Variants in LIMCH1 observed in about 807,000 individuals in gnomAD.
LIMCH1 encodes the protein LIM and calponin homology domains 1.
In LIMCH1, 113 loss-of-function variants were observed where a neutral mutation model predicts 176.5. The observed-to-expected ratio is 0.64, with a 90% CI of 0.55 to 0.75. The LOEUF (loss-of-function observed/expected upper bound fraction) is 0.75, where lower values mean the gene tolerates loss of function less well. Ranked by LOEUF, LIMCH1 falls within the 30% of genes least tolerant of loss-of-function variation. LIMCH1 has a pLI of 0.00. For missense variants in LIMCH1, 1,674 were observed against 1,814.9 expected, an observed-to-expected ratio of 0.92 and a Z score of 1.41; for synonymous variants, 619 against 645.9, an observed-to-expected ratio of 0.96 and a Z score of 0.63.
intron 23 of LIMCH1, among the ~76,000 whole-genome samples, chr4:41,677,365 G>A (rs1711697802): frequency 1.3e-5 from 2 of 152,000 alleles, no homozygotes; most frequent in South Asian, 4.2e-4. Context: ...CCGAGATCAC[G>A]CCATTGCACT....
intron 1 of LIMCH1, among the ~76,000 whole-genome samples, chr4:41,419,681 CTCCTTCCTTCCT>C (rs765992303): frequency 0.027 from 1,492 of 56,160 alleles, 79 homozygotes; most frequent in African/African-American, 0.086. Flanking sequence ...TCCTTCCTTC[CTCCTTCCTTCCT>C]TCCTTCCTTC....
Position 41,360,881 on chromosome 4 carries a change from T to A in LIMCH1, c.41T>A (p.Leu14Gln). The A allele has an allele frequency of 6.3e-7, 1 of 1,586,480 alleles. No homozygotes were observed. The highest frequency in any genetic ancestry group is 8.5e-7 in the Non-Finnish European group (1 of 1,169,756). ...CTCGGTCTGGAAGCTCTTCAGCCCC[T>A]GCAGCCCGAGCCGCCCCCCGAGCCC... The change falls in exon 1 of 27, where the codon CTG (leucine) becomes CAG (glutamine). Residue 14 changes from leucine to glutamine, a missense_variant. Transcript: ENST00000313860. The surrounding 1 kb of genome is among the most constrained non-coding windows in gnomAD (Gnocchi z 4.5).
At chr4:41,583,347 C>A (rs1288612382) in intron 1 of LIMCH1, among the ~76,000 whole-genome samples, 3 of 152,298 alleles carry the variant, frequency 2.0e-5, no homozygotes, top group African/African-American at 7.2e-5. Flanking sequence ...CTCTTCCCCC[C>A]TCCATGGTGA....
At chr4:41,548,085 A>G (rs930338049) in intron 1 of LIMCH1, among the ~76,000 whole-genome samples, 8 of 151,786 alleles carry the variant, frequency 5.3e-5, no homozygotes, top group African/African-American at 9.7e-5. Context: ...TCAACGTAGC[A>G]TGTTGCCTGG....
At chr4:41,475,122 A>G (rs991167653) in intron 1 of LIMCH1, among the ~76,000 whole-genome samples, 5 of 152,190 alleles carry the variant, frequency 3.3e-5, no homozygotes, top group African/African-American at 1.2e-4. Flanking sequence ...TCTATTGCCT[A>G]CCTGTATCCA....
At position 41,613,672 on chromosome 4, in the gene LIMCH1, G is replaced by C. The variant is rs1327627462; in HGVS notation, c.205+11G>C. On this transcript the variant is annotated intron_variant, in intron 5 of 31. Transcript: ENST00000503057. ...GGGGAAGCAGCGATGGTAGGTTGGA[G>C]TCTTAATAAACTATCCATCTTGAAA... The C allele has an allele frequency of 1.9e-6, 3 of 1,611,806 alleles. No individual in the cohort carries two copies. The highest frequency in any genetic ancestry group is 2.5e-6 in the Non-Finnish European group (3 of 1,177,914).
At chr4:41,450,115 T>C (rs2063707480) in intron 1 of LIMCH1, among the ~76,000 whole-genome samples, 1 of 152,224 alleles carries the variant, frequency 6.6e-6, no homozygotes. Context: ...CGACTTCATA[T>C]GAGTTTGCAG....
chr4:41,378,220 T>G (rs1425143059), intron 1 of LIMCH1, among the ~76,000 whole-genome samples: 1 of 152,166 alleles, frequency 6.6e-6, no homozygotes, highest in Non-Finnish European at 1.5e-5. Flanking sequence ...CTGGGTCACA[T>G]CAGCAGAGGC....
At chr4:41,551,823 A>T (rs1561721131) in intron 1 of LIMCH1, among the ~76,000 whole-genome samples, 1 of 152,198 alleles carries the variant, frequency 6.6e-6, no homozygotes, top group Non-Finnish European at 1.5e-5. Context: ...AACAGAAAAC[A>T]TATGGACCAC....
At chr4:41,506,693 A>T (rs962475717) in intron 2 of LIMCH1, among the ~76,000 whole-genome samples, 1 of 152,236 alleles carries the variant, frequency 6.6e-6, no homozygotes, top group Admixed American at 6.5e-5. Context: ...TTAATTGACT[A>T]TTAAGAATAG....
intron 2 of LIMCH1, among the ~76,000 whole-genome samples, chr4:41,500,074 A>T (rs1430127646): frequency 6.6e-6 from 1 of 152,216 alleles, no homozygotes; most frequent in Non-Finnish European, 1.5e-5. Context: ...TTGGCATGGG[A>T]CATAGTAGGG....
At chr4:41,406,703 C>G (rs1216350417) in intron 1 of LIMCH1, among the ~76,000 whole-genome samples, 2 of 152,176 alleles carry the variant, frequency 1.3e-5, no homozygotes, top group Non-Finnish European at 2.9e-5. Context: ...TGTAAAGACA[C>G]TGACAAGATT....
In LIMCH1 at chr4:41,461,352, T is replaced by C. The variant is rs116856764; in HGVS notation, c.97-33184T>C. Among the ~76,000 whole-genome samples the C allele has an allele frequency of 8.9e-4, 136 of 152,356 alleles. 1 individual carries two copies. The East Asian group carries it at 0.024, about 27-fold the overall frequency. ...TGGATGCAGTTTGTTTGGGCTTATT[T>C]CTTCGATTGCTTAAAAACGACTAAA... is the stretch of plus-strand genomic sequence containing the variant. On this transcript the variant is annotated intron_variant, in intron 1 of 26. Coordinates refer to the LIMCH1 transcript ENST00000313860.
intron 8 of LIMCH1, 72 bp from the exon 9 acceptor site, chr4:41,629,420 A>T: frequency 6.7e-7 from 1 of 1,494,946 alleles, no homozygotes; most frequent in Non-Finnish European, 8.9e-7. Context: ...CATGCTTGAC[A>T]TTCTCTTTGT....
chr4:41,390,239 G>A (rs1006886318), intron 1 of LIMCH1, among the ~76,000 whole-genome samples: 22 of 138,344 alleles, frequency 1.6e-4, no homozygotes, highest in Non-Finnish European at 3.2e-4. Context: ...TCTCTCTCAG[G>A]GAGAGAGAGA....
intron 7 of LIMCH1, among the ~76,000 whole-genome samples, chr4:41,621,262 G>A (rs1206945021): frequency 6.6e-6 from 1 of 152,104 alleles, no homozygotes; most frequent in Non-Finnish European, 1.5e-5. Flanking sequence ...TTGTAACAAA[G>A]GTACTAGTAT....
chr4:41,624,970 A>G (rs904533238), intron 7 of LIMCH1, among the ~76,000 whole-genome samples: 7 of 152,104 alleles, frequency 4.6e-5, no homozygotes, highest in Admixed American at 1.3e-4. Flanking sequence ...TCACATTGCC[A>G]CACTGTATTC....
intron 20 of LIMCH1, among the ~76,000 whole-genome samples, 182 bp from the exon 21 acceptor site, chr4:41,666,379 T>C (rs1444518414): frequency 6.6e-6 from 1 of 152,244 alleles, no homozygotes; most frequent in Non-Finnish European, 1.5e-5. Flanking sequence ...GACGCTCTGT[T>C]AATGTAGAGA....
At chr4:41,484,489 A>C (rs1250597443) in intron 1 of LIMCH1, among the ~76,000 whole-genome samples, 2 of 152,270 alleles carry the variant, frequency 1.3e-5, no homozygotes, top group Non-Finnish European at 2.9e-5. Context: ...AGAAAATGTC[A>C]AAAGTAGATA....
Sources: allele counts gnomAD v4.1 joint callset (sites outside exome capture counted in the v4.1 genomes callset), GRCh38; gene constraint gnomAD v4.1.1; non-coding constraint Gnocchi (gnomAD v3.1); transcripts MANE v1.5; gene names NCBI Gene and HGNC (gene_info 2026-07-23, HGNC 2026-07-21).